Variants in IMPG2 observed in about 807,000 individuals in gnomAD.
IMPG2 encodes the protein IPM 200.
A neutral mutation model predicts 129.2 loss-of-function variants in IMPG2; 91 were observed. The observed-to-expected ratio is 0.70, with a 90% CI of 0.59 to 0.84. The LOEUF (loss-of-function observed/expected upper bound fraction) is 0.84. Among genes scored for constraint, IMPG2 ranks in the 40% least tolerant of loss-of-function variants. IMPG2 has a pLI of 0.00. For missense variants in IMPG2, 1,430 were observed against 1,461.7 expected (o/e 0.98, Z 0.35); for synonymous variants, 510 against 517.7 (o/e 0.99, Z 0.20).
chr3:101,306,429 T>C (rs189887859), intron 2 of IMPG2, among the ~76,000 whole-genome samples: 3 of 152,328 alleles, frequency 2.0e-5, no homozygotes, highest in Non-Finnish European at 2.9e-5. Flanking sequence ...TGTATCCTTA[T>C]TATTGTTATT....
At chr3:101,272,726 C>A (rs1423038105) in intron 7 of IMPG2, among the ~76,000 whole-genome samples, 1 of 152,168 alleles carries the variant, frequency 6.6e-6, no homozygotes, top group African/African-American at 2.4e-5. Context: ...CATCTGATGG[C>A]TACAATAATG....
chr3:101,280,386 G>A (rs1706879753), intron 4 of IMPG2, among the ~76,000 whole-genome samples: 1 of 152,178 alleles, frequency 6.6e-6, no homozygotes, highest in African/African-American at 2.4e-5. Context: ...AAGGAGTTAA[G>A]AAACCTGAGT....
intron 17 of IMPG2, 60 bp downstream of exon 17, chr3:101,229,320 G>GCGCCCC: frequency 5.8e-6 from 3 of 519,340 alleles, no homozygotes; most frequent in Non-Finnish European, 9.1e-6. Flanking sequence ...ACCACCCCCT[G>GCGCCCC]CTCCCCCACA....
chr3:101,256,160 A>AGAAAGAAG (rs1706600920), intron 10 of IMPG2, among the ~76,000 whole-genome samples: 1 of 140,324 alleles, frequency 7.1e-6, no homozygotes, highest in African/African-American at 2.7e-5. Flanking sequence ...AAAGAAAGAA[A>AGAAAGAAG]GAAAGAAAGA....
chr3:101,285,334 CA>C (rs1209761422), intron 4 of IMPG2, among the ~76,000 whole-genome samples: 2 of 152,100 alleles, frequency 1.3e-5, no homozygotes, highest in East Asian at 3.8e-4. Flanking sequence ...ACACAGGGAT[CA>C]GTACATTCTG....
In IMPG2 at chr3:101,244,104, G is replaced by A; in HGVS notation, c.2227C>T (p.Leu743=). 1 of 1,613,992 alleles carries A rather than the reference G, an allele frequency of 6.2e-7. No homozygotes were observed. Among genetic ancestry groups the A allele is most frequent in the African/African-American group, 1.3e-5 (1 of 75,024 alleles). Residue 743 remains leucine, a synonymous_variant, in exon 13 of 19, where the codon CTA becomes TTA. Transcript: ENST00000193391. The stretch of plus-strand genomic sequence containing the variant: ...GTAATTTGTTCCATATCCTCCCTTA[G>A]GATGGCATCTGCCTGATCTGATTTA... The part of the protein sequence containing the change: ...TDKSDQADAI[L]REDMEQITES...
At chr3:101,276,803 C>T (rs1158955408) in intron 4 of IMPG2, 90 bp from the exon 5 acceptor site, 23 of 925,114 alleles carry the variant, frequency 2.5e-5, no homozygotes, top group Non-Finnish European at 4.0e-5. Flanking sequence ...AAAAGGAAAG[C>T]ACTAGATCAC....
chr3:101,232,382 T>C (rs1706298294), intron 15 of IMPG2, among the ~76,000 whole-genome samples: 1 of 152,040 alleles, frequency 6.6e-6, no homozygotes, highest in East Asian at 1.9e-4. Context: ...GGATTACAGG[T>C]GCCTGCCACC....
At chr3:101,314,957 T>C (rs2058776233) in intron 2 of IMPG2, among the ~76,000 whole-genome samples, 1 of 151,974 alleles carries the variant, frequency 6.6e-6, no homozygotes, top group African/African-American at 2.4e-5. Context: ...TTTTGATGGG[T>C]GACAGTCAAA....
intron 9 of IMPG2, among the ~76,000 whole-genome samples, chr3:101,259,921 C>T (rs1706652153): frequency 6.6e-6 from 1 of 152,190 alleles, no homozygotes; most frequent in Admixed American, 6.6e-5. Flanking sequence ...AATGCATGAG[C>T]CAGTCAATGC....
At chr3:101,253,464 G>A (rs1159354803) in intron 11 of IMPG2, among the ~76,000 whole-genome samples, 1 of 152,132 alleles carries the variant, frequency 6.6e-6, no homozygotes, top group East Asian at 1.9e-4. Flanking sequence ...TTTCTACCCT[G>A]TGTGGAGTTT....
intron 2 of IMPG2, among the ~76,000 whole-genome samples, chr3:101,314,069 C>A (rs1417966459): frequency 6.6e-6 from 1 of 152,012 alleles, no homozygotes; most frequent in Admixed American, 6.6e-5. Flanking sequence ...TTATATGTTC[C>A]TTCCATTCAA....
At chr3:101,247,392 G>T (rs537059563) in intron 11 of IMPG2, among the ~76,000 whole-genome samples, 1 of 152,322 alleles carries the variant, frequency 6.6e-6, no homozygotes, top group Non-Finnish European at 1.5e-5. Flanking sequence ...GAGGTTGGGA[G>T]TTCGAGGCCA....
rs773173177 is a variant in IMPG2 at position 101,233,006 on chromosome 3, A to T, written c.3023-15T>A. 1 of 1,612,350 alleles carries T rather than the reference A, an allele frequency of 6.2e-7. No individual in the cohort carries two copies. Among genetic ancestry groups the T allele is most frequent in the Non-Finnish European group, 8.5e-7 (1 of 1,178,438 alleles). On this transcript the variant is annotated splice_polypyrimidine_tract_variant and intron_variant, in intron 14 of 18. Transcript: ENST00000193391. ...GGCTTCATCACCTAAAACATTAAACAAAGAATAATGCAAGAAAAGGCAAAA... is the reference window on the plus strand; with the variant it reads ...GGCTTCATCACCTAAAACATTAAACTAAGAATAATGCAAGAAAAGGCAAAA...
intron 9 of IMPG2, among the ~76,000 whole-genome samples, chr3:101,266,529 T>C (rs924939442): frequency 1.1e-4 from 17 of 152,206 alleles, no homozygotes; most frequent in African/African-American, 3.6e-4. Context: ...TCCCACCATG[T>C]ACTCCTTTAC....
intron 10 of IMPG2, among the ~76,000 whole-genome samples, chr3:101,256,197 GAA>G (rs1300537436): frequency 1.3e-5 from 2 of 148,498 alleles, no homozygotes; most frequent in Admixed American, 1.3e-4. Flanking sequence ...AAGAAAGAAA[GAA>G]AGAAAGAAAG....
Position 101,297,947 on chromosome 3 carries a change from A to G in IMPG2, c.501+6199T>C, listed in dbSNP as rs192451729. 3.3e-5 allele frequency among the ~76,000 whole-genome samples: 5 copies of G among 152,322 alleles called. No individual in the cohort carries two copies. In the East Asian group the frequency reaches 9.7e-4, roughly 29 times the overall value. On this transcript the variant is annotated intron_variant, in intron 3 of 18. Transcript: ENST00000193391. ...ATCCTGAGCTGAGTTCAAGTTCTGAATATCCTTGTTAATTTTCTGTCTTGT... is the reference window on the plus strand; with the variant it reads ...ATCCTGAGCTGAGTTCAAGTTCTGAGTATCCTTGTTAATTTTCTGTCTTGT...
At chr3:101,256,217 G>GAAAGAAAGAAAGAACGAACA (rs1553682324) in intron 10 of IMPG2, among the ~76,000 whole-genome samples, 72 of 138,272 alleles carry the variant, frequency 5.2e-4, no homozygotes, top group African/African-American at 1.9e-3. Flanking sequence ...AAGAAAGAAA[G>GAAAGAAAGAAAGAACGAACA]AAAAAAATAT....
intron 1 of IMPG2, 118 bp from the exon 2 acceptor site, chr3:101,319,950 T>C: frequency 1.9e-6 from 2 of 1,032,932 alleles, no homozygotes; most frequent in Non-Finnish European, 2.9e-6. Flanking sequence ...GCCCAAATCA[T>C]AGGCAGGCAT....
Sources: allele counts gnomAD v4.1 joint callset (sites outside exome capture counted in the v4.1 genomes callset), GRCh38; gene constraint gnomAD v4.1.1; transcripts MANE v1.5; gene names NCBI Gene and HGNC (gene_info 2026-07-23, HGNC 2026-07-21).